The following NREP variants were observed in gnomAD, a reference collection of about 807,000 sequenced individuals.
NREP encodes neuronal regeneration-related protein.
In NREP, 5 loss-of-function variants were observed where a neutral mutation model predicts 8.6. That is an observed-to-expected ratio of 0.58 (90% CI 0.30 to 1.22). The LOEUF (loss-of-function observed/expected upper bound fraction) is 1.22. NREP is among the 50% of genes most tolerant of loss of function. The probability of loss-of-function intolerance (pLI) is 0.07; values close to 1 mark genes in which losing one functional copy is unlikely to be tolerated. For missense variants in NREP, 86 were observed against 82.5 expected, an observed-to-expected ratio of 1.04 and a Z score of -0.17; for synonymous variants, 27 against 28.0, an observed-to-expected ratio of 0.96 and a Z score of 0.11.
intron 2 of NREP, among the ~76,000 whole-genome samples, chr5:111,769,349 A>C (rs2112871144): frequency 6.6e-6 from 1 of 152,360 alleles, no homozygotes; most frequent in East Asian, 1.9e-4. Context: ...TACAATCACA[A>C]ATCCAAGGCA....
intron 2 of NREP, among the ~76,000 whole-genome samples, chr5:111,929,975 T>C (rs1306284516): frequency 6.6e-6 from 1 of 152,160 alleles, no homozygotes; most frequent in African/African-American, 2.4e-5. Context: ...CTGCAGGCAA[T>C]TGTCCAGTAA....
chr5:111,861,044 G>A (rs544801421), intron 2 of NREP, among the ~76,000 whole-genome samples: 122 of 152,216 alleles, frequency 8.0e-4, no homozygotes, highest in Admixed American at 3.5e-3. Context: ...AAAGTATAAG[G>A]AATCCCTGGA....
At chr5:111,734,645 C>T in intron 3 of NREP, 1 of 633,544 alleles carries the variant, frequency 1.6e-6, no homozygotes, top group Non-Finnish European at 2.9e-6. Flanking sequence ...ATTGAAATAC[C>T]AGTAACAGCT....
rs535871191 is a variant in NREP at position 111,884,558 on chromosome 5, T to C, written c.135+90716A>G. Reference sequence around the variant, plus strand: ...TTAGATCAATATCCTTGATGAACATTGATGCAAAAATCCTCAATAAAATAC... The same window carrying C: ...TTAGATCAATATCCTTGATGAACATCGATGCAAAAATCCTCAATAAAATAC... On this transcript the variant is annotated intron_variant, in intron 2 of 3. Coordinates refer to the NREP transcript ENST00000395634. Among the ~76,000 whole-genome samples the C allele has an allele frequency of 3.2e-4, 48 of 152,270 alleles. No individual in the cohort carries two copies. In the East Asian group the frequency reaches 9.1e-3, roughly 29 times the overall value.
At chr5:111,826,585 C>T (rs1039051264) in intron 2 of NREP, among the ~76,000 whole-genome samples, 1 of 152,150 alleles carries the variant, frequency 6.6e-6, no homozygotes, top group African/African-American at 2.4e-5. Context: ...ACTTTAACAC[C>T]GCAGGGGTCC....
At position 111,730,539 on chromosome 5, in the gene NREP, T is replaced by TG. The variant is rs58353090; in HGVS notation, c.*381dup. The TG allele has an allele frequency of 0.11, 17,221 of 151,658 alleles. 2,162 individuals are homozygous for TG. The highest frequency in any genetic ancestry group is 0.33 in the African/African-American group (13,133 of 39,746). 9.4% of individuals were successfully genotyped at this position (151,658 alleles called of 1,614,324 possible). ...TGTTACATCTAAATGAAAAAAAAGG[T>TG]GGGGGGGGGACTCTCAGCCTCTGCA... is the stretch of plus-strand genomic sequence containing the variant. On this transcript the variant is annotated 3_prime_UTR_variant, in exon 4 of 4. Transcript: ENST00000257435.
At chr5:111,737,057 G>T (rs1293120547) in intron 2 of NREP, among the ~76,000 whole-genome samples, 2 of 152,066 alleles carry the variant, frequency 1.3e-5, no homozygotes, top group African/African-American at 4.8e-5. Context: ...TTTCTTTTTG[G>T]ACTGGGTCTG....
chr5:111,733,243 G>C (rs1431324795), intron 3 of NREP: 1 of 152,158 alleles, frequency 6.6e-6, no homozygotes, highest in African/African-American at 2.4e-5. Context: ...AACAGTAACA[G>C]TCCCTGCCCA....
At chr5:111,873,636 G>A (rs1318412780) in intron 2 of NREP, among the ~76,000 whole-genome samples, 13 of 152,044 alleles carry the variant, frequency 8.6e-5, no homozygotes, top group Admixed American at 2.0e-4. Context: ...TCTCTCTGAC[G>A]CACTCTTCTG....
In NREP at chr5:111,829,362, C is replaced by G. The variant is rs73223702; in HGVS notation, c.136-93855G>C. On this transcript the variant is annotated intron_variant, in intron 2 of 3. Coordinates refer to the NREP transcript ENST00000395634. ...AGAATTGGCAGGGGGAGGCTGGAGTCAGAGAAACCAGTTAAGACTCTAATT... is the reference window on the plus strand; with the variant it reads ...AGAATTGGCAGGGGGAGGCTGGAGTGAGAGAAACCAGTTAAGACTCTAATT... Among the ~76,000 whole-genome samples the G allele has an allele frequency of 3.7e-3, 561 of 152,256 alleles. 5 individuals are homozygous for G. The highest frequency in any genetic ancestry group is 0.013 in the African/African-American group (543 of 41,540).
Position 111,768,822 on chromosome 5 carries a change from T to C in NREP, c.136-33315A>G, listed in dbSNP as rs139591168. Among the ~76,000 whole-genome samples, 545 of 152,350 alleles carry C rather than the reference T, an allele frequency of 3.6e-3. 8 individuals are homozygous for C. Among genetic ancestry groups the C allele is most frequent in the African/African-American group, 0.013 (532 of 41,584 alleles). On this transcript the variant is annotated intron_variant, in intron 2 of 3. Coordinates refer to the NREP transcript ENST00000395634. The stretch of plus-strand genomic sequence containing the variant: ...ACTGTGAATGGTGCTGCAATTAACA[T>C]ACAAGTATATATACCTGTCTGGTAG...
intron 2 of NREP, among the ~76,000 whole-genome samples, chr5:111,918,671 A>G (rs746594340): frequency 2.6e-5 from 4 of 152,194 alleles, no homozygotes; most frequent in Non-Finnish European, 4.4e-5. Context: ...CAGAAAGATG[A>G]AACTAGACCC....
upstream of NREP, chr5:111,757,480 G>A (rs1750800222): frequency 1.0e-6 from 1 of 985,166 alleles, no homozygotes; most frequent in Non-Finnish European, 1.2e-6. Context: ...TGAACAATGA[G>A]CTAATTCTGA....
At chr5:111,899,519 AAAG>A (rs1754591628) in intron 2 of NREP, among the ~76,000 whole-genome samples, 1 of 152,198 alleles carries the variant, frequency 6.6e-6, no homozygotes, top group African/African-American at 2.4e-5. Context: ...GTCTCTAAAA[AAAG>A]AAGAAAAAAT....
chr5:111,922,425 C>T (rs1289454284), intron 2 of NREP, among the ~76,000 whole-genome samples: 2 of 152,104 alleles, frequency 1.3e-5, no homozygotes, highest in East Asian at 1.9e-4. Context: ...TTATGTTTGA[C>T]ATCGAAATGC....
At chr5:111,859,065 C>A (rs761406232) in intron 2 of NREP, among the ~76,000 whole-genome samples, 8 of 152,100 alleles carry the variant, frequency 5.3e-5, no homozygotes, top group Non-Finnish European at 7.4e-5. Context: ...TGCCCATGTG[C>A]CTCTGGTATC....
intron 2 of NREP, among the ~76,000 whole-genome samples, chr5:111,973,365 T>C (rs1229570892): frequency 6.6e-6 from 1 of 152,222 alleles, no homozygotes; most frequent in Non-Finnish European, 1.5e-5. Context: ...CTTGCAGGTA[T>C]TAGCTTTTTT....
intron 2 of NREP, among the ~76,000 whole-genome samples, chr5:111,848,744 T>G (rs1753239563): frequency 6.6e-6 from 1 of 151,522 alleles, no homozygotes; most frequent in African/African-American, 2.4e-5. Context: ...GATATTTCAG[T>G]GCGTAAGATG....
chr5:111,957,653 T>A lies in NREP; in HGVS notation c.135+17621A>T, dbSNP rs1425942431. The stretch of plus-strand genomic sequence containing the variant: ...ACTTATGAACATGAATGCAAAATTT[T>A]TAACTAAAATATGAGCTAAGCAAGT... On this transcript the variant is annotated intron_variant, in intron 2 of 3. Transcript: ENST00000395634. 2.0e-5 allele frequency among the ~76,000 whole-genome samples: 3 copies of A among 151,820 alleles called. No individual in the cohort carries two copies. In the East Asian group the frequency reaches 5.8e-4, roughly 29 times the overall value.
Sources: gnomAD v4.1 joint callset for allele counts (sites outside exome capture counted in the v4.1 genomes callset) on GRCh38, gnomAD v4.1.1 for gene constraint, MANE v1.5 for transcripts, NCBI Gene and HGNC (gene_info 2026-07-23, HGNC 2026-07-21) for gene names.